The following MAGI2 variants were observed in gnomAD, a reference collection of about 807,000 sequenced individuals.
The protein encoded by MAGI2 is membrane-associated guanylate kinase, WW and PDZ domain-containing protein 2.
In MAGI2, 35 loss-of-function variants were observed where a neutral mutation model predicts 133.3. The observed-to-expected ratio is 0.26, with a 90% CI of 0.20 to 0.35. The LOEUF (loss-of-function observed/expected upper bound fraction) is 0.35. MAGI2 is among the 10% of genes least tolerant of loss of function. MAGI2 has a pLI of 1.00. For synonymous variants in MAGI2, 729 were observed against 710.6 expected (o/e 1.03, Z -0.41); for missense variants, 1,636 against 1,863.4 (o/e 0.88, Z 2.25).
intron 1 of MAGI2, among the ~76,000 whole-genome samples, chr7:79,046,224 A>C (rs1812170474): frequency 6.6e-6 from 1 of 152,182 alleles, no homozygotes; most frequent in Non-Finnish European, 1.5e-5. Flanking sequence ...TGTGTTTCGA[A>C]ATACAGCCTT....
intron 2 of MAGI2, among the ~76,000 whole-genome samples, chr7:78,729,177 G>A (rs189716291): frequency 6.6e-6 from 1 of 152,126 alleles, no homozygotes; most frequent in Non-Finnish European, 1.5e-5. Flanking sequence ...AAGGCACATT[G>A]GTTTAGTGCC....
At chr7:79,340,656 A>G (rs959003166) in intron 1 of MAGI2, among the ~76,000 whole-genome samples, 4 of 152,022 alleles carry the variant, frequency 2.6e-5, no homozygotes, top group African/African-American at 4.8e-5. Context: ...TTATTTGTCT[A>G]TTGGAAGAGT....
chr7:78,254,004 G>A (rs1394565524), intron 10 of MAGI2: 2 of 152,116 alleles, frequency 1.3e-5, no homozygotes, highest in African/African-American at 4.8e-5. Flanking sequence ...AGAGGTTTTC[G>A]ACTAGAAGTA....
rs536413035 is a variant in MAGI2 at position 78,430,236 on chromosome 7, A to G, written c.1045+59525T>C. 1.3e-3 allele frequency among the ~76,000 whole-genome samples: 167 copies of G among 128,926 alleles called. 2 individuals are homozygous for G. In the Middle Eastern group the frequency reaches 0.027, roughly 21 times the overall value. 84.6% of individuals were successfully genotyped at this position (128,926 alleles called of 152,430 possible). A position where few individuals can be genotyped will look rare whatever the true frequency, so the allele number is the denominator to read the frequency against. Reference sequence around the variant, plus strand: ...AACTGTATTACTGTCTGTTCTGGAAAAGCCTTTTTTTTTTTTTTTTTTTTT... The same window carrying G: ...AACTGTATTACTGTCTGTTCTGGAAGAGCCTTTTTTTTTTTTTTTTTTTTT... On this transcript the variant is annotated intron_variant, in intron 6 of 21. Coordinates refer to ENST00000354212, the MANE Select transcript of MAGI2 (RefSeq NM_012301.4).
At chr7:78,863,983 T>C (rs1266943398) in intron 2 of MAGI2, among the ~76,000 whole-genome samples, 4 of 152,210 alleles carry the variant, frequency 2.6e-5, no homozygotes, top group Non-Finnish European at 5.9e-5. Flanking sequence ...TGGAGGGAAG[T>C]ACAGTGTTCA....
chr7:79,175,641 CAT>C (rs780486200), intron 1 of MAGI2, among the ~76,000 whole-genome samples: 12 of 151,986 alleles, frequency 7.9e-5, no homozygotes, highest in Non-Finnish European at 1.2e-4. Context: ...CTTACATAAA[CAT>C]AGATGGTGTA....
chr7:79,128,359 C>T (rs1318805144), intron 1 of MAGI2, among the ~76,000 whole-genome samples: 1 of 152,156 alleles, frequency 6.6e-6, no homozygotes, highest in Non-Finnish European at 1.5e-5. Flanking sequence ...AATAACATTA[C>T]AAACAAAGTA....
At chr7:78,702,549 TA>T (rs1400291060) in intron 2 of MAGI2, among the ~76,000 whole-genome samples, 1 of 152,004 alleles carries the variant, frequency 6.6e-6, no homozygotes, top group Non-Finnish European at 1.5e-5. Flanking sequence ...ACATGTGAAA[TA>T]ATTAGAACAA....
At chr7:79,071,393 T>G (rs959711303) in intron 1 of MAGI2, among the ~76,000 whole-genome samples, 1 of 151,998 alleles carries the variant, frequency 6.6e-6, no homozygotes, top group Admixed American at 6.5e-5. Context: ...TGGCCCCTGC[T>G]GGGAGGTGTC....
intron 6 of MAGI2, among the ~76,000 whole-genome samples, chr7:78,417,579 C>T (rs1371476018): frequency 1.3e-5 from 2 of 152,110 alleles, no homozygotes; most frequent in Non-Finnish European, 2.9e-5. Flanking sequence ...TATTTGAGAG[C>T]AAAAACTAAA....
chr7:79,333,007 G>A (rs1233258405), intron 1 of MAGI2, among the ~76,000 whole-genome samples: 1 of 152,122 alleles, frequency 6.6e-6, no homozygotes, highest in Non-Finnish European at 1.5e-5. Context: ...GCAGGCTGAC[G>A]AAAAGATACG....
At chr7:78,546,734 A>G (rs1159184210) in intron 3 of MAGI2, among the ~76,000 whole-genome samples, 1 of 152,120 alleles carries the variant, frequency 6.6e-6, no homozygotes, top group Non-Finnish European at 1.5e-5. Flanking sequence ...GATTAGGAGT[A>G]TAACCTATGG....
At chr7:78,385,242 G>C (rs992370833) in intron 6 of MAGI2, among the ~76,000 whole-genome samples, 1 of 152,182 alleles carries the variant, frequency 6.6e-6, no homozygotes, top group African/African-American at 2.4e-5. Flanking sequence ...GATTTGGGTG[G>C]AAAAGGAAGA....
At chr7:78,521,905 T>C (rs1796540938) in intron 3 of MAGI2, among the ~76,000 whole-genome samples, 1 of 152,150 alleles carries the variant, frequency 6.6e-6, no homozygotes, top group Non-Finnish European at 1.5e-5. Flanking sequence ...CAAACCAAAA[T>C]ATAGTCTTAT....
At chr7:78,383,473 GTTTGA>G (rs759774603) in intron 6 of MAGI2, among the ~76,000 whole-genome samples, 21 of 151,958 alleles carry the variant, frequency 1.4e-4, no homozygotes, top group South Asian at 2.1e-4. Flanking sequence ...GTTTTTTCCT[GTTTGA>G]TTTATTTGTA....
chr7:78,957,045 C>A (rs1375719522), intron 2 of MAGI2, among the ~76,000 whole-genome samples: 1 of 151,886 alleles, frequency 6.6e-6, no homozygotes, highest in Admixed American at 6.6e-5. Flanking sequence ...GGGTGGATCA[C>A]CTGAGGTTAG....
At chr7:79,373,168 T>C (rs1336382579) in intron 1 of MAGI2, among the ~76,000 whole-genome samples, 1 of 152,038 alleles carries the variant, frequency 6.6e-6, no homozygotes, top group African/African-American at 2.4e-5. Flanking sequence ...GATATTACAT[T>C]TGTTTTTCTT....
intron 3 of MAGI2, among the ~76,000 whole-genome samples, chr7:78,582,354 A>G (rs1014917016): frequency 6.6e-6 from 1 of 152,206 alleles, no homozygotes; most frequent in Non-Finnish European, 1.5e-5. Flanking sequence ...TCCTGTCCTC[A>G]CTGAACAGAA....
intron 9 of MAGI2, among the ~76,000 whole-genome samples, chr7:78,307,257 C>T (rs952640859): frequency 6.6e-6 from 1 of 152,120 alleles, no homozygotes; most frequent in African/African-American, 2.4e-5. Context: ...CCTATTACTG[C>T]TATACAAGTT....
Sources: gnomAD v4.1 joint callset for allele counts (sites outside exome capture counted in the v4.1 genomes callset) on GRCh38, gnomAD v4.1.1 for gene constraint, MANE v1.5 for transcripts, NCBI Gene and HGNC (gene_info 2026-07-23, HGNC 2026-07-21) for gene names.